The following ATXN7 variants were observed in gnomAD, a reference collection of about 807,000 sequenced individuals.
ATXN7 encodes ataxin 7.
Under a neutral mutation model 70.5 loss-of-function variants are expected in ATXN7, and 12 were observed. The observed-to-expected ratio is 0.17, with a 90% CI of 0.11 to 0.28. The LOEUF is 0.28. Among genes scored for constraint, ATXN7 ranks in the 10% least tolerant of loss-of-function variants. ATXN7 has a pLI of 1.00. For synonymous variants in ATXN7, 498 were observed against 448.7 expected (o/e 1.11, Z -1.39); for missense variants, 1,256 against 1,131.7 (o/e 1.11, Z -1.58).
chr3:63,947,206 G>GC (rs2074878265), intron 4 of ATXN7, among the ~76,000 whole-genome samples: 1 of 152,208 alleles, frequency 6.6e-6, no homozygotes, highest in East Asian at 1.9e-4. Flanking sequence ...GCATTTCTAA[G>GC]ACTGGCATGT....
intron 4 of ATXN7, among the ~76,000 whole-genome samples, chr3:63,934,941 G>C (rs2074631649): frequency 6.6e-6 from 1 of 152,172 alleles, no homozygotes; most frequent in Non-Finnish European, 1.5e-5. Context: ...CTCTACCACT[G>C]GATTCTAGTT....
intron 4 of ATXN7, among the ~76,000 whole-genome samples, chr3:63,913,579 A>G (rs1462221399): frequency 6.6e-6 from 1 of 152,222 alleles, no homozygotes; most frequent in Non-Finnish European, 1.5e-5. Flanking sequence ...ACGAATGCTT[A>G]GGGGACATTT....
intron 1 of ATXN7, among the ~76,000 whole-genome samples, chr3:63,875,175 G>C (rs1702712991): frequency 6.6e-6 from 1 of 151,980 alleles, no homozygotes; most frequent in Admixed American, 6.6e-5. Flanking sequence ...GGCCGGTCTT[G>C]AACTCCTGAG....
At position 63,999,644 on chromosome 3, in the gene ATXN7, C is replaced by T. The variant is rs879571540; in HGVS notation, c.*177C>T. ...AACGAGGATTTCCCTGAAGCTATGT[C>T]TCTAGCAGTGAGTACTCATAAAGGA... is the stretch of plus-strand genomic sequence containing the variant. On this transcript the variant is annotated 3_prime_UTR_variant, in exon 13 of 13. Transcript: ENST00000674280. 101 of 1,149,562 alleles carry T rather than the reference C, an allele frequency of 8.8e-5. No individual in the cohort carries two copies. The highest frequency in any genetic ancestry group is 3.8e-4 in the Admixed American group (19 of 50,212). 71.2% of individuals were successfully genotyped at this position (1,149,562 alleles called of 1,614,324 possible).
At chr3:63,882,385 C>G (rs1263878148) in intron 1 of ATXN7, among the ~76,000 whole-genome samples, 1 of 128,846 alleles carries the variant, frequency 7.8e-6, no homozygotes, top group South Asian at 2.5e-4. Context: ...GCCTTTGATT[C>G]TTTTTTTTTT....
At chr3:63,994,542 A>AT (rs1290481427) in intron 11 of ATXN7, among the ~76,000 whole-genome samples, 2 of 152,132 alleles carry the variant, frequency 1.3e-5, no homozygotes, top group Non-Finnish European at 2.9e-5. Flanking sequence ...GCCGAATGGG[A>AT]TTTTTAAAGC....
chr3:63,929,298 G>A (rs1374943588), intron 4 of ATXN7, among the ~76,000 whole-genome samples: 1 of 145,998 alleles, frequency 6.8e-6, no homozygotes, highest in African/African-American at 2.5e-5. Context: ...GTTTGAGATG[G>A]AGTCTCGCTC....
At chr3:63,940,645 A>G (rs974169554) in intron 4 of ATXN7, among the ~76,000 whole-genome samples, 4 of 152,182 alleles carry the variant, frequency 2.6e-5, no homozygotes, top group African/African-American at 7.2e-5. Context: ...ATAGACCGCA[A>G]CTTTTTACAT....
At chr3:63,989,029 A>T (rs1575995030) in intron 9 of ATXN7, among the ~76,000 whole-genome samples, 1 of 152,320 alleles carries the variant, frequency 6.6e-6, no homozygotes, top group Admixed American at 6.5e-5. Context: ...CTGCTGAGGA[A>T]TGTGCCAGTC....
intron 4 of ATXN7, among the ~76,000 whole-genome samples, chr3:63,946,161 T>G (rs2074855635): frequency 6.6e-6 from 1 of 152,184 alleles, no homozygotes; most frequent in African/African-American, 2.4e-5. Context: ...TACTGAGGTT[T>G]CCATTTGTAA....
chr3:63,976,938 C>G (rs1167664248), intron 5 of ATXN7, among the ~76,000 whole-genome samples: 3 of 152,164 alleles, frequency 2.0e-5, no homozygotes, highest in Non-Finnish European at 4.4e-5. Context: ...ATGGCAGTTA[C>G]CTTGAAAAGA....
At chr3:63,967,157 G>A (rs1047036676) in intron 5 of ATXN7, among the ~76,000 whole-genome samples, 1 of 152,178 alleles carries the variant, frequency 6.6e-6, no homozygotes, top group Non-Finnish European at 1.5e-5. Context: ...GAGTGTGATA[G>A]GGATGATAGG....
chr3:63,975,776 T>G (rs796532952), intron 5 of ATXN7, among the ~76,000 whole-genome samples: 40 of 152,292 alleles, frequency 2.6e-4, no homozygotes, highest in African/African-American at 9.4e-4. Flanking sequence ...ACTACTAATA[T>G]CCTGTCCTTG....
chr3:63,921,397 G>C (rs1341990456), intron 4 of ATXN7, among the ~76,000 whole-genome samples: 1 of 152,068 alleles, frequency 6.6e-6, no homozygotes, highest in Non-Finnish European at 1.5e-5. Context: ...AATAATTTGG[G>C]GACTCCAGAC....
intron 1 of ATXN7, among the ~76,000 whole-genome samples, 90 bp downstream of exon 1, chr3:63,864,248 A>G (rs893459121): frequency 8.2e-5 from 12 of 147,214 alleles, no homozygotes; most frequent in Admixed American, 8.0e-4. Context: ...TTCCCCGGGA[A>G]GGTGACTGCG....
chr3:63,965,930 A>G (rs1406493719), intron 5 of ATXN7, among the ~76,000 whole-genome samples: 1 of 152,214 alleles, frequency 6.6e-6, no homozygotes, highest in East Asian at 1.9e-4. Flanking sequence ...GGTCTTAAAA[A>G]TAAGTTAAAA....
chr3:63,892,353 T>G (rs1703294031), intron 1 of ATXN7, among the ~76,000 whole-genome samples: 1 of 147,640 alleles, frequency 6.8e-6, no homozygotes, highest in Non-Finnish European at 1.5e-5. Context: ...CTCCTCCCAG[T>G]CAACTTTAAA....
intron 8 of ATXN7, among the ~76,000 whole-genome samples, chr3:63,986,098 T>G (rs1323116465): frequency 6.6e-6 from 1 of 152,048 alleles, no homozygotes; most frequent in Non-Finnish European, 1.5e-5. Flanking sequence ...TTGAGAGGGA[T>G]GGGAGAGGTA....
intron 12 of ATXN7, among the ~76,000 whole-genome samples, chr3:63,996,908 T>C (rs1291684548): frequency 1.3e-5 from 2 of 152,234 alleles, no homozygotes; most frequent in Non-Finnish European, 2.9e-5. Context: ...CTTTAGTATG[T>C]TCCGCTGAGG....
Sources: allele counts gnomAD v4.1 joint callset (sites outside exome capture counted in the v4.1 genomes callset), GRCh38; gene constraint gnomAD v4.1.1; transcripts MANE v1.5; gene names NCBI Gene and HGNC (gene_info 2026-07-23, HGNC 2026-07-21).